The following TRPA1 variants were observed in gnomAD, a reference collection of about 807,000 sequenced individuals.
TRPA1 encodes the protein transient receptor potential cation channel subfamily A member 1, also known as ankyrin-like with transmembrane domains 1.
In TRPA1, 129 loss-of-function variants were observed where a neutral mutation model predicts 131.3. The observed-to-expected ratio is 0.98, with a 90% CI of 0.85 to 1.14. TRPA1 has a LOEUF of 1.14. TRPA1 is among the 50% of genes most tolerant of loss of function. The probability of loss-of-function intolerance (pLI) is 0.00; values close to 1 mark genes in which losing one functional copy is unlikely to be tolerated. For synonymous variants in TRPA1, 441 were observed against 451.7 expected (o/e 0.98, Z 0.30); for missense variants, 1,304 against 1,354.2 (o/e 0.96, Z 0.58).
chr8:72,056,990 A>T lies in TRPA1; in HGVS notation c.1121T>A (p.Phe374Tyr). 6.2e-7 allele frequency: 1 copy of T among 1,609,102 alleles called. No homozygotes were observed. Among genetic ancestry groups the T allele is most frequent in the Non-Finnish European group, 8.5e-7 (1 of 1,177,544 alleles). Residue 374 changes from phenylalanine to tyrosine, a missense_variant, in exon 10 of 27, where the codon TTT becomes TAT. By Grantham distance (22) the Phe-to-Tyr change is conservative. Coordinates refer to ENST00000262209, the MANE Select transcript of TRPA1 (RefSeq NM_007332.3). ...KGAQVDIKDN[F>Y]GRNFLHLTVQ... ...AGTTAAATGCAGAAAATTACGTCCA[A>T]AATTATCTTTTATGTCTACTTGGGC...
chr8:72,027,966 A>C (rs923592297), intron 24 of TRPA1, among the ~76,000 whole-genome samples: 1 of 152,082 alleles, frequency 6.6e-6, no homozygotes, highest in Non-Finnish European at 1.5e-5. Context: ...AAGCTTCCCC[A>C]ATTTTGCTTG....
chr8:72,053,846 A>G lies in TRPA1; in HGVS notation c.1551T>C (p.Ala517=), dbSNP rs2129435341. Residue 517 remains alanine (A), a synonymous_variant, in exon 13 of 27, where the codon GCT becomes GCC. Coordinates refer to ENST00000262209, the MANE Select transcript of TRPA1 (RefSeq NM_007332.3). ...LFLSDHNGWT[A]LHHASMGGYT... is the part of the protein sequence containing the mutation. ...ACCCGCCCATGGACGCATGATGCAA[A>G]GCTGTCCAGCCATTGTGGTCACTGG... 1 of 1,611,746 alleles carries G rather than the reference A, an allele frequency of 6.2e-7. No individual in the cohort carries two copies. Among genetic ancestry groups the G allele is most frequent in the African/African-American group, 1.3e-5 (1 of 74,982 alleles).
At chr8:72,082,582 G>T in the TRPA1 span, among the ~76,000 whole-genome samples, 1 of 151,980 alleles carries the variant, frequency 6.6e-6, no homozygotes, top group South Asian at 2.1e-4. Flanking sequence ...CTTTTTGCTG[G>T]ATATAGAAGT....
At chr8:72,057,447 T>C (rs1382415368) in intron 9 of TRPA1, among the ~76,000 whole-genome samples, 1 of 152,214 alleles carries the variant, frequency 6.6e-6, no homozygotes, top group Non-Finnish European at 1.5e-5. Context: ...AATTAAATGT[T>C]CAGCAAATGC....
chr8:72,064,893 C>A (rs1434120635), intron 4 of TRPA1, among the ~76,000 whole-genome samples: 4 of 152,096 alleles, frequency 2.6e-5, no homozygotes, highest in African/African-American at 9.7e-5. Flanking sequence ...CGCCAGGAAG[C>A]CTCACCAGAG....
At chr8:72,024,744 C>G (rs1422485407) in intron 25 of TRPA1, among the ~76,000 whole-genome samples, 1 of 152,076 alleles carries the variant, frequency 6.6e-6, no homozygotes, top group Non-Finnish European at 1.5e-5. Flanking sequence ...GATACAGGGT[C>G]CGGGAACTGA....
chr8:72,057,766 TA>T lies in TRPA1; in HGVS notation c.1043del (p.Leu348Ter). 6.2e-7 allele frequency: 1 copy of T among 1,613,992 alleles called. No individual in the cohort carries two copies. Among genetic ancestry groups the T allele is most frequent in the Non-Finnish European group, 8.5e-7 (1 of 1,179,924 alleles). On this transcript the variant is annotated frameshift_variant, in exon 9 of 27. Coordinates refer to ENST00000262209, the MANE Select transcript of TRPA1 (RefSeq NM_007332.3). LOFTEE classifies it high-confidence loss of function. Reference sequence around the variant, plus strand: ...TATTCCAAGATGCAGAAGCAGTTGCTAATATAAGTGGAGAGCGTCCTTCAGA... The same window carrying T: ...TATTCCAAGATGCAGAAGCAGTTGCTATATAAGTGGAGAGCGTCCTTCAGA... The part of the protein sequence containing the change: ...IDSEGRSPLI[L>X]ATASASWNIV...
In TRPA1 at chr8:72,034,385, AGT is replaced by A. The variant is rs1585845084; in HGVS notation, c.2556-10_2556-9del. On this transcript the variant is annotated splice_polypyrimidine_tract_variant and intron_variant, in intron 21 of 26. Coordinates refer to ENST00000262209, the MANE Select transcript of TRPA1 (RefSeq NM_007332.3). ...ATTCCACAATTTTCAAATCTAGAAA[AGT>A]AAAAAAAAAAAAATTTACTCACTTT... is the stretch of plus-strand genomic sequence containing the variant. 6.8e-7 allele frequency: 1 copy of A among 1,476,046 alleles called. No homozygotes were observed. The highest frequency in any genetic ancestry group is 1.9e-5 in the Admixed American group (1 of 53,204). 91.4% of individuals were successfully genotyped at this position (1,476,046 alleles called of 1,614,324 possible).
intron 17 of TRPA1, among the ~76,000 whole-genome samples, chr8:72,045,392 T>C (rs1812394041): frequency 1.3e-5 from 2 of 151,722 alleles, no homozygotes; most frequent in African/African-American, 4.8e-5. Context: ...AATAGAACTT[T>C]CTGCAATGAC....
intron 23 of TRPA1, among the ~76,000 whole-genome samples, chr8:72,030,274 A>G (rs1162474613): frequency 6.6e-6 from 1 of 152,118 alleles, no homozygotes. Flanking sequence ...AACTAATTCC[A>G]TTCATGAGGG....
intron 25 of TRPA1, 124 bp downstream of exon 25, chr8:72,025,836 A>T (rs936733127): frequency 4.9e-6 from 4 of 814,990 alleles, no homozygotes; most frequent in Non-Finnish European, 8.3e-6. Context: ...TTAAAAGCAC[A>T]ACTCCTCTGC....
Position 72,055,851 on chromosome 8 carries a change from T to G in TRPA1, c.1199A>C (p.Gln400Pro). 1 of 1,609,316 alleles carries G rather than the reference T, an allele frequency of 6.2e-7. No individual in the cohort carries two copies. The highest frequency in any genetic ancestry group is 8.5e-7 in the Non-Finnish European group (1 of 1,178,928). ...KNLRPEFMQM[Q>P]QIKELVMDED... Reference sequence around the variant, plus strand: ...ATCCATTACCAGCTCTTTGATCTGTTGCATCTATAGGAAAAAATTAATATC... The same window carrying G: ...ATCCATTACCAGCTCTTTGATCTGTGGCATCTATAGGAAAAAATTAATATC... The change falls in exon 11 of 27, where the codon CAA becomes CCA. Residue 400 changes from glutamine to proline, a missense_variant. By Grantham distance (76) the Gln-to-Pro change is moderately conservative (BLOSUM62 -1). Coordinates refer to ENST00000262209, the MANE Select transcript of TRPA1 (RefSeq NM_007332.3).
At chr8:72,075,733 G>T, upstream of TRPA1, 1 of 408,812 alleles carries the variant, frequency 2.4e-6, no homozygotes. Context: ...TGACTCGCCC[G>T]TCCCGCTGTC....
intron 9 of TRPA1, 108 bp from the exon 10 acceptor site, chr8:72,057,125 CTTTAG>C (rs1163035227): frequency 9.7e-6 from 8 of 823,688 alleles, no homozygotes; most frequent in African/African-American, 7.0e-5. Flanking sequence ...TATTGTCGAC[CTTTAG>C]TTTACAGGAA....
rs759274684 is a variant in TRPA1 at position 72,063,540 on chromosome 8, T to C, written c.584A>G (p.Asn195Ser). The C allele has an allele frequency of 6.2e-7, 1 of 1,613,760 alleles. No individual in the cohort carries two copies. The highest frequency in any genetic ancestry group is 8.5e-7 in the Non-Finnish European group (1 of 1,179,754). The change falls in exon 5 of 27, where the codon AAT becomes AGT. Residue 195 changes from asparagine (N) to serine (S), a missense_variant. Coordinates refer to ENST00000262209, the MANE Select transcript of TRPA1 (RefSeq NM_007332.3). ...GTGAATAGGGAAACATCCCCATTTA[T>C]TTGATTTACATGGCTTAGCTCCTTT... Reference protein sequence around the residue: ...LKKGAKPCKSNKWGCFPIHQA... With the variant: ...LKKGAKPCKSSKWGCFPIHQA...
Position 72,055,480 on chromosome 8 carries a change from A to G in TRPA1, c.1485T>C (p.Asp495=). 1 of 1,613,212 alleles carries G rather than the reference A, an allele frequency of 6.2e-7. No homozygotes were observed. Among genetic ancestry groups the G allele is most frequent in the Non-Finnish European group, 8.5e-7 (1 of 1,179,286 alleles). The change falls in exon 12 of 27, where the codon GAT becomes GAC. Residue 495 remains aspartate, a synonymous_variant. Coordinates refer to ENST00000262209, the MANE Select transcript of TRPA1 (RefSeq NM_007332.3). ...TTTTCAGAAGAAGCTGAACTACTTT[A>G]TCATGTCCATTCTTTGCTGCCAGAT... ...PLHLAAKNGH[D]KVVQLLLKKG...
chr8:72,023,180 G>C, intron 26 of TRPA1, 64 bp from the exon 27 acceptor site: 1 of 1,274,568 alleles, frequency 7.8e-7, no homozygotes, highest in Non-Finnish European at 1.1e-6. Context: ...TCTGAATGTA[G>C]GAAGGCATAG....
At chr8:72,087,960 C>T in the TRPA1 span, among the ~76,000 whole-genome samples, 3 of 152,208 alleles carry the variant, frequency 2.0e-5, no homozygotes, top group Non-Finnish European at 4.4e-5. Context: ...ACAGGAGCTC[C>T]TTGTCCTTCC....
At position 72,055,692 on chromosome 8, in the gene TRPA1, G is replaced by T. The variant is rs753925859; in HGVS notation, c.1358C>A (p.Ala453Glu). 6.2e-7 allele frequency: 1 copy of T among 1,613,614 alleles called. No homozygotes were observed. Among genetic ancestry groups the T allele is most frequent in the East Asian group, 2.2e-5 (1 of 44,872 alleles). The change falls in exon 11 of 27, where the codon GCA becomes GAA. Residue 453 changes from alanine (A) to glutamate (E), a missense_variant. Physicochemically the swap from Ala to Glu is moderately radical, Grantham distance 107. Transcript: ENST00000262209. ...TTGCTAGACTGACCCTTACCTGGCT[G>T]CAAAATGCAGAGGTGATTTCTTATC... ...SKDKKSPLHF[A>E]ASYGRINTCQ...
Sources: gnomAD v4.1 joint callset for allele counts (sites outside exome capture counted in the v4.1 genomes callset) on GRCh38, gnomAD v4.1.1 for gene constraint, MANE v1.5 for transcripts, NCBI Gene and HGNC (gene_info 2026-07-23, HGNC 2026-07-21) for gene names.